Variants in R3HDM2 observed in about 807,000 individuals in gnomAD.
R3HDM2 encodes the protein R3H domain containing 2.
R3HDM2 carries 38 observed loss-of-function variants against 124.5 expected under a neutral mutation model. The observed-to-expected ratio is 0.31, with a 90% CI of 0.24 to 0.40. The LOEUF (loss-of-function observed/expected upper bound fraction) is 0.40, where lower values mean the gene tolerates loss of function less well. Ranked by LOEUF, R3HDM2 falls within the 10% of genes least tolerant of loss-of-function variation. R3HDM2 has a pLI of 1.00. For missense variants in R3HDM2, 869 were observed against 1,236.9 expected (o/e 0.70, Z 4.46); for synonymous variants, 391 against 448.0 (o/e 0.87, Z 1.61).
At chr12:57,315,991 C>T (rs1306775235) in intron 2 of R3HDM2, among the ~76,000 whole-genome samples, 3 of 152,122 alleles carry the variant, frequency 2.0e-5, no homozygotes, top group Non-Finnish European at 4.4e-5. Flanking sequence ...TGGTGGCACA[C>T]GCCTGTGGTC....
At chr12:57,398,778 C>A (rs538709199) in intron 1 of R3HDM2, among the ~76,000 whole-genome samples, 3 of 152,188 alleles carry the variant, frequency 2.0e-5, no homozygotes, top group Non-Finnish European at 4.4e-5. Context: ...CGTGAGCCAC[C>A]GCACCCAGCC....
At chr12:57,429,149 G>A (rs977558793) in intron 1 of R3HDM2, among the ~76,000 whole-genome samples, 20 of 152,160 alleles carry the variant, frequency 1.3e-4, no homozygotes, top group African/African-American at 4.6e-4. Context: ...GCTTTTGGGA[G>A]TCTGAGGCCA....
At chr12:57,381,223 C>T (rs2064824658) in intron 2 of R3HDM2, among the ~76,000 whole-genome samples, 1 of 151,802 alleles carries the variant, frequency 6.6e-6, no homozygotes, top group Admixed American at 6.6e-5. Flanking sequence ...AAAAGCGAAA[C>T]TCCGTCTCAA....
At chr12:57,275,037 C>T (rs1480526180) in intron 14 of R3HDM2, among the ~76,000 whole-genome samples, 3 of 152,110 alleles carry the variant, frequency 2.0e-5, no homozygotes, top group Admixed American at 6.5e-5. Flanking sequence ...AAGAACAAAT[C>T]TGGAGGCAAC....
chr12:57,430,705 G>C lies in R3HDM2; in HGVS notation c.-106+15C>G, dbSNP rs927462792. 3.9e-5 allele frequency: 20 copies of C among 517,092 alleles called. No homozygotes were observed. Among genetic ancestry groups the C allele is most frequent in the African/African-American group, 2.9e-4 (14 of 47,924 alleles). The allele number at this position is 517,092 out of a possible 1,614,324, so 32.0% of individuals were successfully genotyped here. On this transcript the variant is annotated intron_variant, in intron 1 of 23. Transcript: ENST00000402412. ...GTCCGGGCCGCCCGCCCCCTCGGCCGGGAGGTGGCCTCACCTCGCACGGGC... is the reference window on the plus strand; with the variant it reads ...GTCCGGGCCGCCCGCCCCCTCGGCCCGGAGGTGGCCTCACCTCGCACGGGC...
intron 1 of R3HDM2, among the ~76,000 whole-genome samples, chr12:57,398,399 T>C (rs60636710): frequency 0.063 from 9,514 of 152,142 alleles, 403 homozygotes; most frequent in East Asian, 0.2. Context: ...CTTATTTGTA[T>C]AGCCAATAAA....
At position 57,256,083 on chromosome 12, in the gene R3HDM2, T is replaced by G. The variant is rs2038904912; in HGVS notation, c.2548-9A>C. 6.2e-7 allele frequency: 1 copy of G among 1,610,200 alleles called. No homozygotes were observed. The highest frequency in any genetic ancestry group is 8.5e-7 in the Non-Finnish European group (1 of 1,176,460). ...TTCAGTCCACTCTGTCCCTTCAACA[T>G]TTGAAAGACGACTCTCATCCCATGT... On this transcript the variant is annotated splice_polypyrimidine_tract_variant and intron_variant, in intron 22 of 23. Coordinates refer to ENST00000402412, the MANE Select transcript of R3HDM2 (RefSeq NM_001394031.1).
At chr12:57,418,652 C>T (rs2069889397) in intron 1 of R3HDM2, among the ~76,000 whole-genome samples, 3 of 151,874 alleles carry the variant, frequency 2.0e-5, no homozygotes, top group East Asian at 1.9e-4. Flanking sequence ...TCTGTCTCCC[C>T]GGTTCAAGTG....
chr12:57,378,924 A>C (rs888119998), intron 2 of R3HDM2, among the ~76,000 whole-genome samples: 9 of 152,244 alleles, frequency 5.9e-5, no homozygotes, highest in African/African-American at 1.9e-4. Context: ...CATATGCTGC[A>C]ACATGGATAA....
At position 57,300,127 on chromosome 12, in the gene R3HDM2, T is replaced by C; in HGVS notation, c.262A>G (p.Thr88Ala). The C allele has an allele frequency of 6.4e-7, 1 of 1,551,618 alleles. No individual in the cohort carries two copies. Among genetic ancestry groups the C allele is most frequent in the Non-Finnish European group, 8.7e-7 (1 of 1,146,910 alleles). Reference sequence around the variant, plus strand: ...TCTAATGGCCCATCAGCAAATGGGGTGGAGGACTCCTCACACACTGCCAGG... The same window carrying C: ...TCTAATGGCCCATCAGCAAATGGGGCGGAGGACTCCTCACACACTGCCAGG... ...RSLAVCEESS[T>A]PFADGPLETQ... is the part of the protein sequence containing the mutation. The change falls in exon 5 of 24, where the codon ACC becomes GCC. Residue 88 changes from threonine (T) to alanine (A), a missense_variant. Transcript: ENST00000402412.
At chr12:57,271,575 A>G (rs765346475) in intron 14 of R3HDM2, among the ~76,000 whole-genome samples, 44 of 152,212 alleles carry the variant, frequency 2.9e-4, no homozygotes, top group Non-Finnish European at 6.3e-4. Flanking sequence ...GGAATAGATG[A>G]CAAGTGAACT....
chr12:57,266,129 G>A (rs563726393), intron 19 of R3HDM2, among the ~76,000 whole-genome samples: 12 of 135,648 alleles, frequency 8.8e-5, no homozygotes, highest in Non-Finnish European at 1.4e-4. Flanking sequence ...TTTTTGAGAC[G>A]GAGTCTTGCT....
chr12:57,373,489 A>G (rs1299329062), intron 2 of R3HDM2, among the ~76,000 whole-genome samples: 2 of 150,532 alleles, frequency 1.3e-5, no homozygotes, highest in Non-Finnish European at 1.5e-5. Context: ...ACAGAGCAAG[A>G]CTCCGTCTCA....
At chr12:57,255,233 G>C in intron 23 of R3HDM2, 120 bp from the exon 24 acceptor site, 1 of 818,244 alleles carries the variant, frequency 1.2e-6, no homozygotes, top group Non-Finnish European at 1.9e-6. Context: ...CAAAAGCCTG[G>C]CCTTTCTCTC....
intron 2 of R3HDM2, among the ~76,000 whole-genome samples, chr12:57,336,438 G>A (rs754444636): frequency 2.0e-5 from 3 of 152,094 alleles, no homozygotes; most frequent in Non-Finnish European, 2.9e-5. Flanking sequence ...ATGACAGACT[G>A]GATAAAGAAA....
chr12:57,257,889 A>G (rs778851151), intron 21 of R3HDM2, 101 bp downstream of exon 21: 17 of 1,274,264 alleles, frequency 1.3e-5, no homozygotes, highest in Non-Finnish European at 1.7e-5. Context: ...TGGATCATCT[A>G]CACTGGTCCT....
At chr12:57,403,066 C>T (rs2068188028) in intron 1 of R3HDM2, among the ~76,000 whole-genome samples, 1 of 151,950 alleles carries the variant, frequency 6.6e-6, no homozygotes. Flanking sequence ...GGTATAAGAG[C>T]AAGATGGGGC....
intron 1 of R3HDM2, among the ~76,000 whole-genome samples, chr12:57,398,522 T>G (rs1363404624): frequency 6.6e-6 from 1 of 151,756 alleles, no homozygotes; most frequent in East Asian, 1.9e-4. Flanking sequence ...GGAGTCTTAC[T>G]CCGTCACACA....
chr12:57,396,560 C>T (rs1439071469), intron 1 of R3HDM2, among the ~76,000 whole-genome samples: 2 of 151,638 alleles, frequency 1.3e-5, no homozygotes, highest in East Asian at 1.9e-4. Flanking sequence ...AGGTGGATCA[C>T]GAGGTCAGGA....
Sources: allele counts gnomAD v4.1 joint callset (sites outside exome capture counted in the v4.1 genomes callset), GRCh38; gene constraint gnomAD v4.1.1; transcripts MANE v1.5; gene names NCBI Gene and HGNC (gene_info 2026-07-23, HGNC 2026-07-21).